Variants in SGCG observed in about 807,000 individuals in gnomAD.
SGCG encodes the protein sarcoglycan gamma, also known as gamma-sarcoglycan.
In SGCG, 26 loss-of-function variants were observed where a neutral mutation model predicts 29.3. The observed-to-expected ratio is 0.89, with a 90% CI of 0.65 to 1.23. SGCG has a LOEUF of 1.23. Ranked by LOEUF, SGCG falls within the 50% of genes most tolerant of loss-of-function variation. The pLI is 0.00. For missense variants in SGCG, 353 were observed against 356.0 expected (o/e 0.99, Z 0.07); for synonymous variants, 145 against 129.7 (o/e 1.12, Z -0.80).
At chr13:23,164,616 C>T in the SGCG span, among the ~76,000 whole-genome samples, 941 of 152,256 alleles carry the variant, frequency 6.2e-3, 9 homozygotes, top group African/African-American at 0.021. Context: ...AGAAAGCTTC[C>T]GTTATGGCAG....
At chr13:23,209,768 T>C (rs1250960299) in intron 2 of SGCG, among the ~76,000 whole-genome samples, 2 of 152,222 alleles carry the variant, frequency 1.3e-5, no homozygotes, top group Admixed American at 6.5e-5. Flanking sequence ...AAGCTATGCA[T>C]TAGATGGGTG....
At chr13:23,249,103 T>G (rs2137567185) in intron 3 of SGCG, among the ~76,000 whole-genome samples, 1 of 152,308 alleles carries the variant, frequency 6.6e-6, no homozygotes, top group African/African-American at 2.4e-5. Context: ...AATGCAAATG[T>G]GCAAAATTTG....
At chr13:23,184,341 A>G (rs148929623) in intron 1 of SGCG, among the ~76,000 whole-genome samples, 139 of 147,294 alleles carry the variant, frequency 9.4e-4, no homozygotes, top group African/African-American at 3.2e-3. Flanking sequence ...ATTTAGTTAT[A>G]CACAATTTTT....
chr13:23,320,885 G>A, intron 7 of SGCG, 125 bp downstream of exon 7: 1 of 988,064 alleles, frequency 1.0e-6, no homozygotes, highest in Non-Finnish European at 1.6e-6. Context: ...AGGTCATAGA[G>A]TAGCAAATGT....
chr13:23,175,040 A>G, the SGCG span, among the ~76,000 whole-genome samples: 1 of 152,214 alleles, frequency 6.6e-6, no homozygotes, highest in African/African-American at 2.4e-5. Context: ...ACTCTCTATA[A>G]TTTTGAAACA....
intron 1 of SGCG, among the ~76,000 whole-genome samples, chr13:23,183,333 C>T (rs1301802349): frequency 6.6e-6 from 1 of 152,142 alleles, no homozygotes; most frequent in Non-Finnish European, 1.5e-5. Context: ...GGGAAAATGA[C>T]GGTAACTGGT....
Position 23,234,687 on chromosome 13 carries a change from A to T in SGCG, c.272A>T (p.Tyr91Phe). The T allele has an allele frequency of 6.2e-7, 1 of 1,607,760 alleles. No individual in the cohort carries two copies. The highest frequency in any genetic ancestry group is 8.5e-7 in the Non-Finnish European group (1 of 1,174,424). Residue 91 changes from tyrosine to phenylalanine, a missense_variant, in exon 3 of 8, where the codon TAT becomes TTT. Transcript: ENST00000218867. ...GAATCAGAATTTTTATTCCCATTGTATGCCAAAGAAATACACTCCAGAGTG... is the reference window on the plus strand; with the variant it reads ...GAATCAGAATTTTTATTCCCATTGTTTGCCAAAGAAATACACTCCAGAGTG... ...EGESEFLFPL[Y>F]AKEIHSRVDS...
chr13:23,164,117 T>C, the SGCG span, among the ~76,000 whole-genome samples: 1 of 152,228 alleles, frequency 6.6e-6, no homozygotes. Context: ...CTTTTTTCTT[T>C]AAGATTGTTG....
intron 4 of SGCG, among the ~76,000 whole-genome samples, chr13:23,252,695 AAAAC>A (rs1364825410): frequency 9.3e-4 from 136 of 146,872 alleles, no homozygotes; most frequent in African/African-American, 3.1e-3. Flanking sequence ...TGTCTCAAAA[AAAAC>A]AAAACAAAAC....
chr13:23,231,851 G>A (rs1166455238), intron 2 of SGCG, among the ~76,000 whole-genome samples: 1 of 152,138 alleles, frequency 6.6e-6, no homozygotes, highest in Non-Finnish European at 1.5e-5. Flanking sequence ...AGGCACGGTG[G>A]CTCACACCTG....
intron 6 of SGCG, among the ~76,000 whole-genome samples, chr13:23,301,587 A>G (rs1045799866): frequency 1.3e-5 from 2 of 152,186 alleles, no homozygotes; most frequent in African/African-American, 4.8e-5. Context: ...AAGAAATAGC[A>G]TTAATAAGAA....
rs71429830 is a variant in SGCG, at chr13:23,234,311, C to G, written c.196-300C>G. 0.15 allele frequency among the ~76,000 whole-genome samples: 23,434 copies of G among 151,854 alleles called. 1,843 individuals are homozygous for G. Among genetic ancestry groups the G allele is most frequent in the East Asian group, 0.29 (1,476 of 5,168 alleles). ...CTCAAAACAATTAATTTTATTGTAC[C>G]TTAATTTAATTTTTTTTAAAAAAAT... On this transcript the variant is annotated intron_variant, in intron 2 of 7. Transcript: ENST00000218867.
Position 23,193,155 on chromosome 13 carries a change from C to G in SGCG, c.1-10540C>G, listed in dbSNP as rs151211014. On this transcript the variant is annotated intron_variant, in intron 1 of 7. Transcript: ENST00000218867. ...GGACCGGTTTTCCCGGCAGTGGGAA[C>G]AACGTGTCCAAAGACTATAAGATAG... is the stretch of plus-strand genomic sequence containing the variant. Among the ~76,000 whole-genome samples, 908 of 152,242 alleles carry G rather than the reference C, an allele frequency of 6.0e-3. 12 individuals carry two copies. Among genetic ancestry groups the G allele is most frequent in the African/African-American group, 0.021 (875 of 41,528 alleles).
At chr13:23,239,217 A>G (rs1309658363) in intron 3 of SGCG, among the ~76,000 whole-genome samples, 3 of 152,154 alleles carry the variant, frequency 2.0e-5, no homozygotes, top group East Asian at 1.9e-4. Context: ...AGAAAGCCTT[A>G]GAAGTAGCTA....
At chr13:23,182,595 A>G (rs1290858651) in intron 1 of SGCG, among the ~76,000 whole-genome samples, 2 of 152,188 alleles carry the variant, frequency 1.3e-5, no homozygotes, top group Admixed American at 1.3e-4. Flanking sequence ...TACTTTGGCC[A>G]TTTTGGATTC....
At chr13:23,271,101 A>G (rs946111301) in intron 4 of SGCG, among the ~76,000 whole-genome samples, 1 of 152,060 alleles carries the variant, frequency 6.6e-6, no homozygotes, top group East Asian at 1.9e-4. Context: ...AATCCCAGCT[A>G]TTTGGGAGGC....
intron 4 of SGCG, among the ~76,000 whole-genome samples, chr13:23,251,762 G>T (rs559030315): frequency 1.3e-5 from 2 of 151,994 alleles, no homozygotes; most frequent in African/African-American, 4.8e-5. Context: ...GAATAACGAA[G>T]ATATATATAT....
intron 2 of SGCG, among the ~76,000 whole-genome samples, chr13:23,210,475 A>G (rs1049893480): frequency 6.6e-6 from 1 of 152,152 alleles, no homozygotes; most frequent in African/African-American, 2.4e-5. Flanking sequence ...GCAAATCACA[A>G]GGTCAGGAGA....
Position 23,298,272 on chromosome 13 carries a change from C to G in SGCG, c.578+2785C>G, listed in dbSNP as rs574678403. 3.3e-5 allele frequency among the ~76,000 whole-genome samples: 5 copies of G among 152,136 alleles called. No homozygotes were observed. The East Asian group carries it at 7.9e-4, about 24-fold the overall frequency. On this transcript the variant is annotated intron_variant, in intron 6 of 7. Coordinates refer to ENST00000218867, the MANE Select transcript of SGCG (RefSeq NM_000231.3). The stretch of plus-strand genomic sequence containing the variant: ...TCAGAAGGCTGAGGCATGAGAATTG[C>G]TTGAACCTGGGAGGCAGAGTTTGCA...
Sources: allele counts gnomAD v4.1 joint callset (sites outside exome capture counted in the v4.1 genomes callset), GRCh38; gene constraint gnomAD v4.1.1; transcripts MANE v1.5; gene names NCBI Gene and HGNC (gene_info 2026-07-23, HGNC 2026-07-21).